The following HIVEP3 variants were observed in gnomAD, a reference collection of about 807,000 sequenced individuals.
HIVEP3 encodes the protein transcription factor HIVEP3.
In HIVEP3, 49 loss-of-function variants were observed where a neutral mutation model predicts 152.8. That is an observed-to-expected ratio of 0.32 (90% CI 0.26 to 0.41). The LOEUF (loss-of-function observed/expected upper bound fraction) is 0.41. Ranked by LOEUF, HIVEP3 falls within the 10% of genes least tolerant of loss-of-function variation. The probability of loss-of-function intolerance (pLI) is 1.00; values close to 1 mark genes in which losing one functional copy is unlikely to be tolerated. For synonymous variants in HIVEP3, 1,269 were observed against 1,289.0 expected, an observed-to-expected ratio of 0.98 and a Z score of 0.33; for missense variants, 2,790 against 3,103.3, an observed-to-expected ratio of 0.90 and a Z score of 2.40.
Position 41,584,052 on chromosome 1 carries a change from C to A in HIVEP3, c.746G>T (p.Gly249Val). 6.2e-7 allele frequency: 1 copy of A among 1,614,198 alleles called. No homozygotes were observed. The highest frequency in any genetic ancestry group is 8.5e-7 in the Non-Finnish European group (1 of 1,180,034). ...CTCGCCACCCATGCCTGAGGCCAGGCCTGCTTTGATGCGGTGGGCATGGGA... is the reference window on the plus strand; with the variant it reads ...CTCGCCACCCATGCCTGAGGCCAGGACTGCTTTGATGCGGTGGGCATGGGA... Reference protein sequence around the residue: ...RKSHAHRIKAGLASGMGGEMY... With the variant: ...RKSHAHRIKAVLASGMGGEMY... The change falls in exon 4 of 9, where the codon GGC (glycine) becomes GTC (valine). Residue 249 changes from glycine (G) to valine (V), a missense_variant. Gly to Val is a moderately radical substitution (Grantham distance 109). Around this residue, in one of 9 missense-constraint regions of HIVEP3, gnomAD observed 125 missense variants for 130.1 expected, o/e 0.96. Coordinates refer to ENST00000372583, the MANE Select transcript of HIVEP3 (RefSeq NM_024503.5). This position sits in a 1 kb window ranked among gnomAD's most constrained non-coding sequence, Gnocchi z 5.2.
Position 41,580,147 on chromosome 1 carries a change from C to T in HIVEP3, c.4651G>A (p.Val1551Met), listed in dbSNP as rs141954697. Residue 1551 changes from valine to methionine, a missense_variant, in exon 4 of 9, where the codon GTG (valine) becomes ATG (methionine). Val to Met is a conservative substitution (Grantham distance 21, BLOSUM62 1). Around this residue, in one of 9 missense-constraint regions of HIVEP3, gnomAD observed 1,078 missense variants for 1,165.3 expected, o/e 0.93. Transcript: ENST00000372583. The part of the protein sequence containing the change: ...PHRRGLTPLS[V>M]KKEDSKEQPD... ...TGTTCCTTGGAATCTTCTTTCTTCA[C>T]GCTCAGTGGGGTCAACCCTCTTCGG... 2.7e-4 allele frequency: 431 copies of T among 1,613,772 alleles called. 2 individuals carry two copies. In the East Asian group the frequency reaches 2.8e-3, roughly 10 times the overall value.
intron 2 of HIVEP3, among the ~76,000 whole-genome samples, chr1:41,666,403 C>A (rs1645797329): frequency 6.6e-6 from 1 of 152,154 alleles, no homozygotes; most frequent in Non-Finnish European, 1.5e-5. Flanking sequence ...AGGCTCCAGC[C>A]CCACATTTAC....
rs1644386371 is a variant in HIVEP3, at chr1:41,580,536, C to G, written c.4262G>C (p.Ser1421Thr). The change falls in exon 4 of 9, where the codon AGT becomes ACT. Residue 1421 changes from serine to threonine, a missense_variant. Around this residue, in one of 9 missense-constraint regions of HIVEP3, gnomAD observed 1,078 missense variants for 1,165.3 expected, o/e 0.93. Transcript: ENST00000372583. The part of the protein sequence containing the change: ...SSESILSLEG[S>T]SSTAGGSKRV... ...TTTGCTTCCCCCTGCTGTTGATGAA[C>G]TCCCCTCCAGGCTCAAGATACTCTC... 2 of 1,614,232 alleles carry G rather than the reference C, an allele frequency of 1.2e-6. No homozygotes were observed. The highest frequency in any genetic ancestry group is 1.7e-6 in the Non-Finnish European group (2 of 1,180,044).
Position 41,993,460 on chromosome 1 carries a change from A to T in HIVEP3, n.119+42347T>A, listed in dbSNP as rs1224273096. Among the ~76,000 whole-genome samples the T allele has an allele frequency of 2.0e-5, 3 of 151,536 alleles. No individual in the cohort carries two copies. In the East Asian group the frequency reaches 5.8e-4, roughly 29 times the overall value. On this transcript the variant is annotated intron_variant and non_coding_transcript_variant, in intron 1 of 3. Coordinates refer to the HIVEP3 transcript ENST00000489103. ...CAAAACCACAATGAGATACCATCTC[A>T]CACCAGTTAGAATGGCAATCATTAA...
At chr1:41,657,048 G>A (rs1645638682) in intron 2 of HIVEP3, among the ~76,000 whole-genome samples, 1 of 152,228 alleles carries the variant, frequency 6.6e-6, no homozygotes, top group South Asian at 2.1e-4. Flanking sequence ...GTGGGTGGTA[G>A]ATTTGCTCAA....
At position 41,880,239 on chromosome 1, in the gene HIVEP3, C is replaced by G. The variant is rs528419494; in HGVS notation, c.-801+38174G>C. Among the ~76,000 whole-genome samples, 4 of 152,124 alleles carry G rather than the reference C, an allele frequency of 2.6e-5. No individual in the cohort carries two copies. In the East Asian group the frequency reaches 7.7e-4, roughly 29 times the overall value. ...TGCCCAAGTAGAGATGGGGGTCTCCCTATGTTGCCCAGGCTGGTCCCGAAC... is the reference window on the plus strand; with the variant it reads ...TGCCCAAGTAGAGATGGGGGTCTCCGTATGTTGCCCAGGCTGGTCCCGAAC... On this transcript the variant is annotated intron_variant, in intron 1 of 8. Coordinates refer to ENST00000372583, the MANE Select transcript of HIVEP3 (RefSeq NM_024503.5).
intron 2 of HIVEP3, among the ~76,000 whole-genome samples, chr1:41,656,504 C>T (rs993983357): frequency 1.4e-4 from 21 of 152,192 alleles, no homozygotes; most frequent in African/African-American, 4.3e-4. Flanking sequence ...GGAACACGTA[C>T]GTGCTTATTA....
intron 1 of HIVEP3, among the ~76,000 whole-genome samples, chr1:41,832,548 T>G (rs930987882): frequency 3.3e-5 from 5 of 152,094 alleles, no homozygotes; most frequent in Non-Finnish European, 7.4e-5. Context: ...CAAAAATTAC[T>G]GGGTGTGTGT....
Position 41,510,901 on chromosome 1 carries a change from C to A in HIVEP3, c.6771G>T (p.Val2257=), listed in dbSNP as rs1228076771. 6.2e-7 allele frequency: 1 copy of A among 1,613,534 alleles called. No homozygotes were observed. The highest frequency in any genetic ancestry group is 1.7e-5 in the Admixed American group (1 of 60,030). The stretch of plus-strand genomic sequence containing the variant: ...AGAGTGTGAATTTGGAGACCTTAGC[C>A]ACAGGCGACACGGAGGCTGACGAGC... ...TESSSASVSP[V]AKVSKFTLSS... Residue 2257 remains valine, a synonymous_variant, in exon 9 of 9, where the codon GTG becomes GTT. Transcript: ENST00000372583.
chr1:41,850,459 G>A (rs1421547906), intron 1 of HIVEP3, among the ~76,000 whole-genome samples: 1 of 152,138 alleles, frequency 6.6e-6, no homozygotes, highest in Non-Finnish European at 1.5e-5. Context: ...AGGGTAACTT[G>A]CACACAGAAA....
chr1:41,760,879 G>A (rs1647626427), intron 1 of HIVEP3, among the ~76,000 whole-genome samples: 1 of 152,166 alleles, frequency 6.6e-6, no homozygotes, highest in South Asian at 2.1e-4. Flanking sequence ...AAGTGGTGAT[G>A]GGTAGGCATG....
At chr1:42,030,082 T>C (rs1284456909) in intron 1 of HIVEP3, among the ~76,000 whole-genome samples, 2 of 152,082 alleles carry the variant, frequency 1.3e-5, no homozygotes, top group Non-Finnish European at 2.9e-5. Flanking sequence ...TGGGGAAAAG[T>C]CACCCTGTGA....
intron 1 of HIVEP3, among the ~76,000 whole-genome samples, chr1:41,962,417 A>T (rs1645174082): frequency 1.3e-5 from 2 of 152,260 alleles, no homozygotes; most frequent in Non-Finnish European, 2.9e-5. Context: ...ATACAAGTTG[A>T]TCAGGAAAAA....
rs540956926 is a variant in HIVEP3, at chr1:41,949,470, G to A, written n.120-30946C>T. 5.3e-5 allele frequency among the ~76,000 whole-genome samples: 8 copies of A among 152,292 alleles called. No individual in the cohort carries two copies. The South Asian group carries it at 1.7e-3, about 32-fold the overall frequency. On this transcript the variant is annotated intron_variant and non_coding_transcript_variant, in intron 1 of 3. Transcript: ENST00000489103. ...CAAAATCGAAGAGCTTTAGACTTTA[G>A]GCTAATCGCCAAAAGAGGGGGAACC...
chr1:42,034,683 G>A (rs923258266), intron 1 of HIVEP3, among the ~76,000 whole-genome samples: 38 of 152,214 alleles, frequency 2.5e-4, no homozygotes, highest in African/African-American at 8.7e-4. Context: ...GGGAGAGAAT[G>A]AGAAGAGCCA....
intron 1 of HIVEP3, among the ~76,000 whole-genome samples, chr1:41,822,538 G>A (rs1260708571): frequency 2.6e-5 from 4 of 152,152 alleles, no homozygotes; most frequent in Non-Finnish European, 5.9e-5. Flanking sequence ...TTTTCACAGG[G>A]ATGAAGAAAG....
chr1:41,925,138 A>G (rs1317736718), intron 1 of HIVEP3, among the ~76,000 whole-genome samples: 1 of 152,224 alleles, frequency 6.6e-6, no homozygotes, highest in African/African-American at 2.4e-5. Flanking sequence ...GGATTGTAAA[A>G]ACAAAACAAA....
chr1:41,522,551 C>T (rs915549453), intron 6 of HIVEP3, among the ~76,000 whole-genome samples: 1 of 152,190 alleles, frequency 6.6e-6, no homozygotes, highest in African/African-American at 2.4e-5. Flanking sequence ...GGATGCTCTA[C>T]ACCCCTGGAA....
chr1:41,730,142 T>C (rs1045523942), intron 1 of HIVEP3, among the ~76,000 whole-genome samples: 5 of 152,178 alleles, frequency 3.3e-5, no homozygotes, highest in African/African-American at 1.2e-4. Context: ...CTCAAGAGAC[T>C]AGGCAGGCTC....
Sources: allele counts gnomAD v4.1 joint callset (sites outside exome capture counted in the v4.1 genomes callset), GRCh38; gene constraint gnomAD v4.1.1; regional missense constraint gnomAD v4.1.1; non-coding constraint Gnocchi (gnomAD v3.1); transcripts MANE v1.5; gene names NCBI Gene and HGNC (gene_info 2026-07-23, HGNC 2026-07-21).